The following ABCA4 variants were observed in gnomAD, a reference collection of about 807,000 sequenced individuals.
ABCA4 encodes the protein retinal-specific phospholipid-transporting ATPase ABCA4.
ABCA4 carries 196 observed loss-of-function variants against 263.7 expected under a neutral mutation model. The observed-to-expected ratio is 0.74, with a 90% CI of 0.66 to 0.84. The LOEUF is 0.84. ABCA4 is among the 40% of genes least tolerant of loss of function. The pLI, the probability that ABCA4 is intolerant of heterozygous loss-of-function variation, is 0.00. For synonymous variants in ABCA4, 1,133 were observed against 1,094.2 expected (o/e 1.04, Z -0.70); for missense variants, 2,792 against 2,855.1 (o/e 0.98, Z 0.50).
chr1:94,108,786 A>ATTTT, intron 3 of ABCA4, 70 bp from the exon 4 acceptor site: 1 of 1,301,648 alleles, frequency 7.7e-7, no homozygotes. Context: ...ATCTCATGCT[A>ATTTT]TTTTTTTTTT....
At chr1:94,062,187 G>T (rs1220997534) in intron 13 of ABCA4, among the ~76,000 whole-genome samples, 1 of 152,152 alleles carries the variant, frequency 6.6e-6, no homozygotes, top group Non-Finnish European at 1.5e-5. Flanking sequence ...CAGACCTACT[G>T]GCCATACAGA....
At chr1:94,105,383 C>G (rs192514453) in intron 4 of ABCA4, among the ~76,000 whole-genome samples, 1 of 152,104 alleles carries the variant, frequency 6.6e-6, no homozygotes, top group South Asian at 2.1e-4. Context: ...GCTTGGCACA[C>G]AAGACCACCC....
chr1:94,030,633 C>T, intron 28 of ABCA4, 107 bp from the exon 29 acceptor site: 1 of 1,112,446 alleles, frequency 9.0e-7, no homozygotes. Flanking sequence ...GTATTGGAGG[C>T]ACCGAATGCT....
At chr1:94,060,448 C>A in intron 14 of ABCA4, 89 bp downstream of exon 14, 2 of 1,251,650 alleles carry the variant, frequency 1.6e-6, no homozygotes, top group South Asian at 2.4e-5. Context: ...CCTTGGTGGC[C>A]ACATGACTAA....
intron 1 of ABCA4, among the ~76,000 whole-genome samples, chr1:94,117,926 T>C (rs1476020270): frequency 1.3e-5 from 2 of 152,182 alleles, no homozygotes; most frequent in African/African-American, 4.8e-5. Context: ...CCCAGTGCAA[T>C]TATTAATAGT....
intron 17 of ABCA4, among the ~76,000 whole-genome samples, 193 bp from the exon 18 acceptor site, chr1:94,049,150 T>G (rs74102098): frequency 1.4e-3 from 219 of 152,318 alleles, no homozygotes; most frequent in African/African-American, 4.9e-3. Flanking sequence ...GCTTCAGACT[T>G]GGAGAGTTTC....
chr1:94,078,534 T>A, intron 10 of ABCA4, 56 bp downstream of exon 10: 1 of 1,234,302 alleles, frequency 8.1e-7, no homozygotes, highest in Non-Finnish European at 1.2e-6. Context: ...AGTGGAACTT[T>A]CTTGCCCCCA....
chr1:94,100,173 A>G (rs765659975), intron 5 of ABCA4, among the ~76,000 whole-genome samples: 3 of 152,194 alleles, frequency 2.0e-5, no homozygotes, highest in Non-Finnish European at 4.4e-5. Context: ...CACGAGGCAC[A>G]GGTTACAGCT....
At chr1:94,113,885 CA>C (rs1662675632) in intron 1 of ABCA4, among the ~76,000 whole-genome samples, 1 of 152,202 alleles carries the variant, frequency 6.6e-6, no homozygotes, top group Non-Finnish European at 1.5e-5. Context: ...AAAGCAGATC[CA>C]GTGGCTGTGG....
intron 22 of ABCA4, among the ~76,000 whole-genome samples, chr1:94,042,092 C>T (rs1660503716): frequency 1.2e-5 from 1 of 84,338 alleles, no homozygotes; most frequent in South Asian, 5.5e-4. Flanking sequence ...GAGCGAGATT[C>T]TGTCTCAAAA....
chr1:94,112,108 G>C (rs1373471317), intron 2 of ABCA4, among the ~76,000 whole-genome samples: 2 of 152,178 alleles, frequency 1.3e-5, no homozygotes, highest in African/African-American at 4.8e-5. Flanking sequence ...ATAGAGGACT[G>C]GGCAGATTTG....
At chr1:94,053,210 G>GTA (rs1198068714) in intron 16 of ABCA4, among the ~76,000 whole-genome samples, 1 of 152,198 alleles carries the variant, frequency 6.6e-6, no homozygotes, top group Non-Finnish European at 1.5e-5. Context: ...AGCTGTGATT[G>GTA]TAAGTACAGG....
At chr1:94,028,309 T>C (rs1660091527) in intron 30 of ABCA4, among the ~76,000 whole-genome samples, 1 of 152,176 alleles carries the variant, frequency 6.6e-6, no homozygotes, top group Non-Finnish European at 1.5e-5. Context: ...GACACAGCCT[T>C]CTTTGATGTC....
At chr1:94,066,000 C>T (rs974687693) in intron 11 of ABCA4, among the ~76,000 whole-genome samples, 1 of 152,348 alleles carries the variant, frequency 6.6e-6, no homozygotes, top group African/African-American at 2.4e-5. Context: ...CTAACATTGA[C>T]CAGTCCTTAA....
intron 3 of ABCA4, among the ~76,000 whole-genome samples, chr1:94,108,993 C>T (rs1367602572): frequency 1.3e-5 from 2 of 151,972 alleles, no homozygotes; most frequent in African/African-American, 2.4e-5. Flanking sequence ...AGGATGGTCT[C>T]GATCTCCTGA....
At position 94,023,419 on chromosome 1, in the gene ABCA4, C is replaced by T; in HGVS notation, c.4635-1G>A. On this transcript the variant is annotated splice_acceptor_variant, in intron 31 of 49. Transcript: ENST00000370225. LOFTEE classifies it high-confidence loss of function. ...ATTGACCCAGAATTTGCTCTTTAAG[C>T]TGAAAGCCAAAATAAAATAATGCAA... 1.2e-6 allele frequency: 2 copies of T among 1,608,170 alleles called. No homozygotes were observed. Among genetic ancestry groups the T allele is most frequent in the Non-Finnish European group, 1.7e-6 (2 of 1,174,848 alleles).
Position 94,029,497 on chromosome 1 carries a change from A to G in ABCA4, c.4487T>C (p.Leu1496Pro). 1 of 1,594,360 alleles carries G rather than the reference A, an allele frequency of 6.3e-7. No individual in the cohort carries two copies. Among genetic ancestry groups the G allele is most frequent in the Non-Finnish European group, 8.6e-7 (1 of 1,169,138 alleles). The change falls in exon 30 of 50, where the codon CTC becomes CCC. Residue 1496 changes from leucine (L) to proline (P), a missense_variant. Transcript: ENST00000370225. The part of the protein sequence containing the change: ...PSCRCSTREK[L>P]TMLPECPEGA... ...CTCGGGGCACTCTGGCAGCATGGTG[A>G]GCTTCTCCCTGGTGCTGCACCTGCA...
chr1:94,005,508 A>T lies in ABCA4; in HGVS notation c.6080T>A (p.Leu2027His). 6.2e-7 allele frequency: 1 copy of T among 1,614,172 alleles called. No homozygotes were observed. The highest frequency in any genetic ancestry group is 8.5e-7 in the Non-Finnish European group (1 of 1,180,004). The change falls in exon 44 of 50, where the codon CTC (leucine) becomes CAC (histidine). Residue 2027 changes from leucine to histidine, a missense_variant. Physicochemically the swap from Leu to His is moderately conservative, Grantham distance 99. Transcript: ENST00000370225. ...AAGGTAAAGATGTTCTCGTCCTGTG[A>T]GCAGCTCATCAATTGCATCAAACTG... ...CPQFDAIDEL[L>H]TGREHLYLYA...
intron 33 of ABCA4, 51 bp from the exon 34 acceptor site, chr1:94,021,765 G>C (rs780483223): frequency 1.2e-6 from 2 of 1,606,382 alleles, no homozygotes; most frequent in Admixed American, 3.3e-5. Context: ...TTTTTTTCCT[G>C]TTATCACTCA....
Sources: allele counts gnomAD v4.1 joint callset (sites outside exome capture counted in the v4.1 genomes callset), GRCh38; gene constraint gnomAD v4.1.1; transcripts MANE v1.5; gene names NCBI Gene and HGNC (gene_info 2026-07-23, HGNC 2026-07-21).